Variants in GRIA1 observed in about 807,000 individuals in gnomAD.
GRIA1 encodes glutamate receptor 1.
GRIA1 carries 31 observed loss-of-function variants against 99.2 expected under a neutral mutation model. The ratio of observed to expected loss-of-function variants is 0.31; its 90% confidence interval spans 0.23 to 0.42. GRIA1 has a LOEUF of 0.42. Among genes scored for constraint, GRIA1 ranks in the 10% least tolerant of loss-of-function variants. GRIA1 has a pLI of 1.00. For synonymous variants in GRIA1, 438 were observed against 432.4 expected, an observed-to-expected ratio of 1.01 and a Z score of -0.16; for missense variants, 782 against 1,157.5, an observed-to-expected ratio of 0.68 and a Z score of 4.71.
At chr5:153,731,820 T>C (rs188285836) in intron 11 of GRIA1, among the ~76,000 whole-genome samples, 95 of 152,248 alleles carry the variant, frequency 6.2e-4, no homozygotes, top group Admixed American at 1.6e-3. Flanking sequence ...TTCACTATAG[T>C]TTCTAAGCTG....
chr5:153,611,899 G>T (rs1766022646), intron 2 of GRIA1, among the ~76,000 whole-genome samples: 1 of 152,236 alleles, frequency 6.6e-6, no homozygotes, highest in Non-Finnish European at 1.5e-5. Context: ...GAAGCAGTGT[G>T]TTCTGTTGGA....
chr5:153,492,962 G>T (rs1754065959), intron 1 of GRIA1, among the ~76,000 whole-genome samples: 1 of 152,168 alleles, frequency 6.6e-6, no homozygotes, highest in South Asian at 2.1e-4. Context: ...ATTATGTTTG[G>T]ACTGTGATTA....
chr5:153,645,395 A>G (rs1007384858), intron 2 of GRIA1, among the ~76,000 whole-genome samples: 1 of 152,208 alleles, frequency 6.6e-6, no homozygotes, highest in Non-Finnish European at 1.5e-5. Context: ...GGAGACTCAC[A>G]GTAGACAATT....
rs1766819960 is a variant in GRIA1 at position 153,811,533 on chromosome 5, C to A, written c.*308C>A. 1 of 335,050 alleles carries A rather than the reference C, an allele frequency of 3.0e-6. No individual in the cohort carries two copies. Among genetic ancestry groups the A allele is most frequent in the South Asian group, 3.1e-5 (1 of 31,776 alleles). 20.8% of individuals were successfully genotyped at this position (335,050 alleles called of 1,614,324 possible). On this transcript the variant is annotated 3_prime_UTR_variant, in exon 16 of 16. Coordinates refer to ENST00000285900, the MANE Select transcript of GRIA1 (RefSeq NM_000827.4). ...GTCTCTGAGAGTAGAGTCACTGGAA[C>A]ACTAATGAGGAAACTGCACTGTTTT...
intron 11 of GRIA1, among the ~76,000 whole-genome samples, chr5:153,749,924 C>T (rs1762403078): frequency 1.3e-5 from 2 of 152,102 alleles, no homozygotes; most frequent in Non-Finnish European, 2.9e-5. Flanking sequence ...TTACAGAGTA[C>T]TGGGCTTTCC....
In GRIA1 at chr5:153,508,450, G is replaced by GA. The variant is rs535077688; in HGVS notation, c.220+14395dup. Reference sequence around the variant, plus strand: ...CTAGATTCTAGAATATTTCAGACAAGAAAAAAAAAACAGTAAGCATAAAGG... The same window carrying GA: ...CTAGATTCTAGAATATTTCAGACAAGAAAAAAAAAAACAGTAAGCATAAAGG... On this transcript the variant is annotated intron_variant, in intron 2 of 15. Coordinates refer to ENST00000285900, the MANE Select transcript of GRIA1 (RefSeq NM_000827.4). Among the ~76,000 whole-genome samples, 176 of 146,628 alleles carry GA rather than the reference G, an allele frequency of 1.2e-3. 2 individuals are homozygous for GA. The East Asian group carries it at 0.017, about 14-fold the overall frequency.
intron 4 of GRIA1, 36 bp from the exon 5 acceptor site, chr5:153,655,783 T>C (rs1465423063): frequency 6.3e-7 from 1 of 1,583,994 alleles, no homozygotes; most frequent in African/African-American, 1.3e-5. Flanking sequence ...TAACTGTTAG[T>C]ATGATTAATG....
intron 2 of GRIA1, among the ~76,000 whole-genome samples, chr5:153,530,313 C>CT (rs1197502553): frequency 6.6e-6 from 1 of 151,884 alleles, no homozygotes; most frequent in Non-Finnish European, 1.5e-5. Context: ...GTTAAAATTA[C>CT]TTTTGGTGAA....
rs1443652075 is a variant in GRIA1 at position 153,699,080 on chromosome 5, TCACTG to T, written c.1452+10_1452+14del. 6.2e-7 allele frequency: 1 copy of T among 1,602,208 alleles called. No individual in the cohort carries two copies. Among genetic ancestry groups the T allele is most frequent in the South Asian group, 1.1e-5 (1 of 90,784 alleles). On this transcript the variant is annotated splice_region_variant and intron_variant, in intron 10 of 15. Coordinates refer to ENST00000285900, the MANE Select transcript of GRIA1 (RefSeq NM_000827.4). ...GGGAGAGCTGGTCTATGGAGTAAGT[TCACTG>T]CAGGGTGGGAAATTAGAGGGCGGAG...
chr5:153,714,950 GA>G (rs1178635763), intron 11 of GRIA1, among the ~76,000 whole-genome samples: 2 of 152,218 alleles, frequency 1.3e-5, no homozygotes, highest in Non-Finnish European at 2.9e-5. Context: ...GGCTGAAGGA[GA>G]AACGGCCTCA....
intron 13 of GRIA1, among the ~76,000 whole-genome samples, chr5:153,785,037 C>T (rs1233597648): frequency 6.6e-6 from 1 of 152,154 alleles, no homozygotes; most frequent in Non-Finnish European, 1.5e-5. Flanking sequence ...GAAGGTTTCT[C>T]TGTCATCCCC....
chr5:153,628,395 C>T (rs960442503), intron 2 of GRIA1, among the ~76,000 whole-genome samples: 4 of 152,172 alleles, frequency 2.6e-5, no homozygotes, highest in Admixed American at 6.5e-5. Context: ...TCTGTGTGCC[C>T]TTGAACTTTC....
chr5:153,637,226 C>G (rs1753431038), intron 2 of GRIA1, among the ~76,000 whole-genome samples: 1 of 152,174 alleles, frequency 6.6e-6, no homozygotes, highest in Non-Finnish European at 1.5e-5. Flanking sequence ...GACTACTATG[C>G]AAACATCATG....
chr5:153,618,939 G>T (rs952107490), intron 2 of GRIA1, among the ~76,000 whole-genome samples: 3 of 152,164 alleles, frequency 2.0e-5, no homozygotes, highest in African/African-American at 7.2e-5. Context: ...GCTTACAAGA[G>T]AAATTTATTT....
At position 153,811,419 on chromosome 5, in the gene GRIA1, C is replaced by CCCT; in HGVS notation, c.*194_*195insCCT. 1 of 560,898 alleles carries CCCT rather than the reference C, an allele frequency of 1.8e-6. No individual in the cohort carries two copies. Among genetic ancestry groups the CCCT allele is most frequent in the Non-Finnish European group, 3.2e-6 (1 of 311,306 alleles). 34.7% of individuals were successfully genotyped at this position (560,898 alleles called of 1,614,324 possible). A position where few individuals can be genotyped will look rare whatever the true frequency, so the allele number is the denominator to read the frequency against. ...CTGTCCCTTTTCCTTTTTTGATGTT[C>CCCT]TTTCACCCTTTTCTGTTTGCTAAGT... On this transcript the variant is annotated 3_prime_UTR_variant, in exon 16 of 16. Transcript: ENST00000285900.
Position 153,811,583 on chromosome 5 carries a change from C to T in GRIA1, c.*358C>T, listed in dbSNP as rs1766822708. The T allele has an allele frequency of 5.1e-6, 1 of 196,330 alleles. No individual in the cohort carries two copies. The highest frequency in any genetic ancestry group is 1.1e-5 in the Non-Finnish European group (1 of 93,988). The allele number at this position is 196,330 out of a possible 1,614,324, so 12.2% of individuals were successfully genotyped here. A position where few individuals can be genotyped will look rare whatever the true frequency, so the allele number is the denominator to read the frequency against. On this transcript the variant is annotated 3_prime_UTR_variant, in exon 16 of 16. Transcript: ENST00000285900. ...TATTTTAATTCAGTTGTTAGTGTGTCTTAGTGTGTGCAATTTTTTTTCTTA... is the reference window on the plus strand; with the variant it reads ...TATTTTAATTCAGTTGTTAGTGTGTTTTAGTGTGTGCAATTTTTTTTCTTA...
At chr5:153,618,224 C>T (rs1010863693) in intron 2 of GRIA1, among the ~76,000 whole-genome samples, 1 of 152,132 alleles carries the variant, frequency 6.6e-6, no homozygotes, top group Non-Finnish European at 1.5e-5. Context: ...GAATGTACAA[C>T]CTGTGAGGAT....
intron 2 of GRIA1, among the ~76,000 whole-genome samples, chr5:153,601,142 A>G (rs991094729): frequency 6.6e-6 from 1 of 152,224 alleles, no homozygotes; most frequent in Non-Finnish European, 1.5e-5. Flanking sequence ...TGCTGGTGCC[A>G]GACCCTGTGT....
At chr5:153,773,206 A>T (rs1351064960) in intron 13 of GRIA1, among the ~76,000 whole-genome samples, 2 of 152,184 alleles carry the variant, frequency 1.3e-5, no homozygotes, top group Non-Finnish European at 2.9e-5. Flanking sequence ...CATTTTACAG[A>T]TGAGGAAACA....
Sources: allele counts gnomAD v4.1 joint callset (sites outside exome capture counted in the v4.1 genomes callset), GRCh38; gene constraint gnomAD v4.1.1; transcripts MANE v1.5; gene names NCBI Gene and HGNC (gene_info 2026-07-23, HGNC 2026-07-21).